The following CCDC77 variants were observed in gnomAD, a reference collection of about 807,000 sequenced individuals.
The protein encoded by CCDC77 is coiled-coil domain containing 77, also known as coiled-coil domain-containing protein 77.
A neutral mutation model predicts 66.8 loss-of-function variants in CCDC77; 56 were observed. The observed-to-expected ratio is 0.84, with a 90% CI of 0.68 to 1.05. The LOEUF is 1.05. CCDC77 is among the 50% of genes least tolerant of loss of function. The probability of loss-of-function intolerance (pLI) is 0.00; values close to 1 mark genes in which losing one functional copy is unlikely to be tolerated. For missense variants in CCDC77, 570 were observed against 576.8 expected (o/e 0.99, Z 0.12); for synonymous variants, 196 against 195.2 (o/e 1.00, Z -0.03).
chr12:410,296 T>G (rs1414157070), intron 3 of CCDC77, among the ~76,000 whole-genome samples: 1 of 152,040 alleles, frequency 6.6e-6, no homozygotes, highest in Admixed American at 6.6e-5. Context: ...AGATGGAGTT[T>G]TGCTCTTGTT....
At chr12:416,523 T>C (rs1945288731) in intron 4 of CCDC77, among the ~76,000 whole-genome samples, 1 of 148,052 alleles carries the variant, frequency 6.8e-6, no homozygotes, top group African/African-American at 2.5e-5. Context: ...TAAGCAATTG[T>C]CCTGCCTCAG....
chr12:413,930 G>GAAAT (rs1384544688), intron 4 of CCDC77, among the ~76,000 whole-genome samples: 1 of 150,676 alleles, frequency 6.6e-6, no homozygotes, highest in African/African-American at 2.5e-5. Context: ...GCCCAGCTGG[G>GAAAT]AAATGTCTTG....
intron 10 of CCDC77, 137 bp downstream of exon 10, chr12:438,691 CA>C (rs1945800668): frequency 1.6e-6 from 1 of 621,230 alleles, no homozygotes. Flanking sequence ...AACTAGGTTT[CA>C]AAGAGCAGCT....
At chr12:390,425 A>G (rs1204840232) in intron 1 of CCDC77, among the ~76,000 whole-genome samples, 1 of 152,146 alleles carries the variant, frequency 6.6e-6, no homozygotes, top group African/African-American at 2.4e-5. Flanking sequence ...CATATGATCT[A>G]CAGAAGTTTT....
At chr12:433,703 T>C (rs1945694659) in intron 9 of CCDC77, among the ~76,000 whole-genome samples, 1 of 151,834 alleles carries the variant, frequency 6.6e-6, no homozygotes, top group Admixed American at 6.6e-5. Context: ...TCTGACTCAA[T>C]GTAGTAAGAC....
chr12:395,975 G>A (rs1277703648), intron 1 of CCDC77, among the ~76,000 whole-genome samples: 1 of 152,168 alleles, frequency 6.6e-6, no homozygotes, highest in African/African-American at 2.4e-5. Flanking sequence ...CAGCTATTCA[G>A]GAGGTTGAGT....
chr12:437,767 G>A (rs569760525), intron 9 of CCDC77, among the ~76,000 whole-genome samples: 5 of 148,120 alleles, frequency 3.4e-5, no homozygotes, highest in Admixed American at 6.9e-5. Flanking sequence ...GATTGCTTGA[G>A]CCCAGAAGGT....
Position 440,720 on chromosome 12 carries a change from G to A in CCDC77, c.1145G>A (p.Gly382Glu). The A allele has an allele frequency of 1.9e-6, 3 of 1,614,110 alleles. No homozygotes were observed. The highest frequency in any genetic ancestry group is 2.2e-5 in the East Asian group (1 of 44,892). ...EELARIREEE[G>E]MRREIFKDRT... ...CTTGCCCGAATTCGTGAGGAAGAGG[G>A]AATGAGGAGAGAGATCTTCAAGGTA... The change falls in exon 11 of 13, where the codon GGA (glycine) becomes GAA (glutamate). Residue 382 changes from glycine (G) to glutamate (E), a missense_variant. By Grantham distance (98) the Gly-to-Glu change is moderately conservative. Coordinates refer to ENST00000239830, the MANE Select transcript of CCDC77 (RefSeq NM_032358.4).
At chr12:409,490 A>G (rs2137544995) in intron 3 of CCDC77, 69 bp downstream of exon 3, 2 of 1,380,464 alleles carry the variant, frequency 1.4e-6, no homozygotes, top group South Asian at 2.4e-5. Context: ...TAAGCATAGG[A>G]ACTGGAAAGG....
intron 1 of CCDC77, among the ~76,000 whole-genome samples, chr12:395,842 T>C (rs1944821828): frequency 6.6e-6 from 1 of 152,078 alleles, no homozygotes. Context: ...TGCAGTGGGC[T>C]GAGATCACAC....
At chr12:416,160 T>G (rs893931454) in intron 4 of CCDC77, among the ~76,000 whole-genome samples, 11 of 151,280 alleles carry the variant, frequency 7.3e-5, no homozygotes, top group African/African-American at 2.2e-4. Flanking sequence ...AGGATGGTCT[T>G]GAACTCCTGG....
intron 10 of CCDC77, among the ~76,000 whole-genome samples, chr12:439,388 T>C (rs902477658): frequency 1.4e-4 from 21 of 150,986 alleles, no homozygotes; most frequent in African/African-American, 4.9e-4. Context: ...GGCGTGGTGG[T>C]GGGCACCTGT....
At chr12:416,755 C>A (rs1017930761) in intron 4 of CCDC77, among the ~76,000 whole-genome samples, 1 of 151,984 alleles carries the variant, frequency 6.6e-6, no homozygotes, top group Non-Finnish European at 1.5e-5. Flanking sequence ...TTAAACAGAT[C>A]ATTTCTCCCC....
chr12:430,678 A>G lies in CCDC77; in HGVS notation c.525A>G (p.Gln175=). 1 of 1,613,934 alleles carries G rather than the reference A, an allele frequency of 6.2e-7. No individual in the cohort carries two copies. Among genetic ancestry groups the G allele is most frequent in the Non-Finnish European group, 8.5e-7 (1 of 1,179,772 alleles). Residue 175 remains glutamine, a synonymous_variant, in exon 7 of 13, where the codon CAA becomes CAG. Coordinates refer to ENST00000239830, the MANE Select transcript of CCDC77 (RefSeq NM_032358.4). The stretch of plus-strand genomic sequence containing the variant: ...TGCTTCTTCAGGTCACCATTCTCCA[A>G]AAGACTATCCAGGCTGTAGGTGAAT... ...KEPPHKVTIL[Q]KTIQAVGECE...
chr12:416,401 A>ATATATG (rs1565569308), intron 4 of CCDC77, among the ~76,000 whole-genome samples: 13 of 53,668 alleles, frequency 2.4e-4, no homozygotes, highest in Non-Finnish European at 3.9e-4. Flanking sequence ...ATATATATAT[A>ATATATG]TATATATATA....
intron 4 of CCDC77, among the ~76,000 whole-genome samples, chr12:415,294 A>T (rs1484027755): frequency 2.9e-5 from 4 of 137,556 alleles, no homozygotes; most frequent in East Asian, 2.1e-4. Flanking sequence ...TTATGTTAAT[A>T]TAATCAACAT....
At chr12:413,013 A>T (rs4980896) in intron 4 of CCDC77, among the ~76,000 whole-genome samples, 1 of 149,248 alleles carries the variant, frequency 6.7e-6, no homozygotes, top group East Asian at 2.0e-4. Context: ...ATCTCAGCTC[A>T]CCACAAGCTC....
chr12:427,231 C>T (rs545816527), intron 5 of CCDC77, among the ~76,000 whole-genome samples: 8 of 148,360 alleles, frequency 5.4e-5, no homozygotes, highest in African/African-American at 1.5e-4. Flanking sequence ...GGCGACAGAG[C>T]GAGACTCTGC....
At chr12:407,942 G>A (rs565198280) in intron 2 of CCDC77, among the ~76,000 whole-genome samples, 1 of 151,904 alleles carries the variant, frequency 6.6e-6, no homozygotes, top group African/African-American at 2.4e-5. Context: ...TGCCTGCCAC[G>A]ACACCCGGCT....
Sources: gnomAD v4.1 joint callset for allele counts (sites outside exome capture counted in the v4.1 genomes callset) on GRCh38, gnomAD v4.1.1 for gene constraint, MANE v1.5 for transcripts, NCBI Gene and HGNC (gene_info 2026-07-23, HGNC 2026-07-21) for gene names.